Variants in DLGAP1 observed in about 807,000 individuals in gnomAD.
DLGAP1 encodes the protein DLG associated protein 1, also known as disks large-associated protein 1.
A neutral mutation model predicts 90.8 loss-of-function variants in DLGAP1; 11 were observed. The observed-to-expected ratio is 0.12, with a 90% CI of 0.08 to 0.20. The LOEUF (loss-of-function observed/expected upper bound fraction) is 0.20. Ranked by LOEUF, DLGAP1 falls within the 10% of genes least tolerant of loss-of-function variation. DLGAP1 has a pLI of 1.00. For synonymous variants in DLGAP1, 558 were observed against 540.7 expected, an observed-to-expected ratio of 1.03 and a Z score of -0.44; for missense variants, 1,050 against 1,333.8, an observed-to-expected ratio of 0.79 and a Z score of 3.31.
intron 7 of DLGAP1, among the ~76,000 whole-genome samples, chr18:3,583,513 A>G (rs2055693172): frequency 6.6e-6 from 1 of 152,090 alleles, no homozygotes; most frequent in Admixed American, 6.6e-5. Flanking sequence ...AGAACTACTC[A>G]CTGAGAGTAT....
At chr18:4,197,478 T>A (rs770152515) in intron 1 of DLGAP1, among the ~76,000 whole-genome samples, 13 of 152,012 alleles carry the variant, frequency 8.6e-5, no homozygotes, top group Non-Finnish European at 1.6e-4. Context: ...GGAGTGACGA[T>A]CAAGTCTGTA....
intron 3 of DLGAP1, among the ~76,000 whole-genome samples, chr18:3,961,423 G>A (rs1418894858): frequency 6.6e-6 from 1 of 151,992 alleles, no homozygotes; most frequent in Non-Finnish European, 1.5e-5. Flanking sequence ...CGTCTTTCTT[G>A]CTCTGTCAAA....
At chr18:3,936,876 A>G (rs2148939709) in intron 3 of DLGAP1, among the ~76,000 whole-genome samples, 1 of 152,330 alleles carries the variant, frequency 6.6e-6, no homozygotes, top group African/African-American at 2.4e-5. Context: ...CAGGAGGTTG[A>G]AATCCAAGGA....
chr18:4,413,151 T>C (rs75310551), intron 1 of DLGAP1, among the ~76,000 whole-genome samples: 2,165 of 152,194 alleles, frequency 0.014, 53 homozygotes, highest in African/African-American at 0.047. Flanking sequence ...GTTATCCATC[T>C]AGACAAACAG....
chr18:3,543,166 A>ATTTTTTT lies in DLGAP1; in HGVS notation c.2058-8558_2058-8552dup, dbSNP rs76751283. On this transcript the variant is annotated intron_variant, in intron 9 of 12. Transcript: ENST00000315677. The stretch of plus-strand genomic sequence containing the variant: ...ATACTCTTTTGTTCCCATGACTCCA[A>ATTTTTTT]TTTTTTTTTTTTTTTTTTTTTTGAG... Among the ~76,000 whole-genome samples, 49 of 64,132 alleles carry ATTTTTTT rather than the reference A, an allele frequency of 7.6e-4. 1 individual carries two copies. The highest frequency in any genetic ancestry group is 1.2e-3 in the East Asian group (3 of 2,602). 42.1% of individuals were successfully genotyped at this position (64,132 alleles called of 152,430 possible). A position where few individuals can be genotyped will look rare whatever the true frequency, so the allele number is the denominator to read the frequency against.
At chr18:4,031,752 T>C (rs1268166117) in intron 2 of DLGAP1, among the ~76,000 whole-genome samples, 1 of 152,198 alleles carries the variant, frequency 6.6e-6, no homozygotes, top group East Asian at 1.9e-4. Flanking sequence ...GTTTTTACCA[T>C]AGGAAATGAT....
chr18:3,993,043 C>A (rs545470268), intron 3 of DLGAP1: 1 of 151,298 alleles, frequency 6.6e-6, no homozygotes, highest in East Asian at 2.0e-4. Flanking sequence ...AAATAGCCTC[C>A]CCCTGGCAGA....
intron 2 of DLGAP1, among the ~76,000 whole-genome samples, chr18:4,127,065 T>C (rs544694264): frequency 6.6e-6 from 1 of 152,198 alleles, no homozygotes; most frequent in Non-Finnish European, 1.5e-5. Flanking sequence ...GACACTGTAA[T>C]ATCAGTTGAA....
intron 2 of DLGAP1, among the ~76,000 whole-genome samples, chr18:4,080,694 C>T (rs1318484437): frequency 6.6e-6 from 1 of 152,194 alleles, no homozygotes; most frequent in African/African-American, 2.4e-5. Context: ...CCTTTGCTAG[C>T]CAGGCCTCCT....
In DLGAP1 at chr18:4,383,412, T is replaced by A. The variant is rs1321436829; in HGVS notation, c.-267+71594A>T. Among the ~76,000 whole-genome samples the A allele has an allele frequency of 2.6e-5, 4 of 152,106 alleles. No homozygotes were observed. The highest frequency in any genetic ancestry group is 9.7e-5 in the African/African-American group (4 of 41,440). ...TTTCCTTTTCCTTACATAATTAAAT[T>A]TTGAAAATATAATCCTAATAAAATG... On this transcript the variant is annotated intron_variant, in intron 1 of 12. Coordinates refer to ENST00000315677, the MANE Select transcript of DLGAP1 (RefSeq NM_004746.4). This position sits in a 1 kb window ranked among gnomAD's most constrained non-coding sequence, Gnocchi z 4.0.
intron 10 of DLGAP1, among the ~76,000 whole-genome samples, chr18:3,510,297 T>C (rs981329576): frequency 6.6e-6 from 1 of 152,228 alleles, no homozygotes; most frequent in African/African-American, 2.4e-5. Flanking sequence ...AAAGCGTTAG[T>C]GTATTTGAAT....
chr18:4,361,162 C>G (rs1187576000), intron 1 of DLGAP1, among the ~76,000 whole-genome samples: 1 of 151,924 alleles, frequency 6.6e-6, no homozygotes, highest in Non-Finnish European at 1.5e-5. Context: ...AAATTAATAT[C>G]TTAATAATAA....
chr18:3,587,822 T>TC (rs1313566622), intron 7 of DLGAP1, among the ~76,000 whole-genome samples: 1 of 151,482 alleles, frequency 6.6e-6, no homozygotes, highest in Non-Finnish European at 1.5e-5. Context: ...ACCATGAGGG[T>TC]CCGCGGCTTC....
At chr18:3,575,446 A>G (rs866733840) in intron 8 of DLGAP1, among the ~76,000 whole-genome samples, 1 of 152,154 alleles carries the variant, frequency 6.6e-6, no homozygotes, top group Non-Finnish European at 1.5e-5. Flanking sequence ...TACCATCAGG[A>G]AGTAGAGGGG....
intron 4 of DLGAP1, chr18:3,822,000 C>G (rs1174887224): frequency 2.0e-6 from 2 of 976,644 alleles, no homozygotes; most frequent in Non-Finnish European, 2.4e-6. Flanking sequence ...GCCTTTTTAG[C>G]TTGCTCTTCT....
intron 7 of DLGAP1, among the ~76,000 whole-genome samples, chr18:3,686,807 GCCCCTCCC>G (rs1447186982): frequency 2.0e-5 from 3 of 152,142 alleles, no homozygotes; most frequent in South Asian, 4.1e-4. Flanking sequence ...GCAGAATAAT[GCCCCTCCC>G]CCAGAGATAC....
At chr18:4,139,284 C>T (rs886846900) in intron 2 of DLGAP1, among the ~76,000 whole-genome samples, 3 of 151,886 alleles carry the variant, frequency 2.0e-5, no homozygotes, top group African/African-American at 7.2e-5. Context: ...TTTAGCGCTG[C>T]TTTCGCTGTA....
intron 7 of DLGAP1, among the ~76,000 whole-genome samples, chr18:3,618,994 T>C (rs1184258079): frequency 2.0e-5 from 3 of 150,558 alleles, no homozygotes; most frequent in Non-Finnish European, 4.4e-5. Context: ...CATAATCCAA[T>C]ATGACTGGCG....
At chr18:3,535,829 C>T (rs528268843) in intron 9 of DLGAP1, among the ~76,000 whole-genome samples, 4 of 152,042 alleles carry the variant, frequency 2.6e-5, no homozygotes, top group South Asian at 2.1e-4. Context: ...GTCGGGAGTT[C>T]GAGACCAGCC....
Sources: allele counts gnomAD v4.1 joint callset (sites outside exome capture counted in the v4.1 genomes callset), GRCh38; gene constraint gnomAD v4.1.1; non-coding constraint Gnocchi (gnomAD v3.1); transcripts MANE v1.5; gene names NCBI Gene and HGNC (gene_info 2026-07-23, HGNC 2026-07-21).